The following PDE7B variants were observed in gnomAD, a reference collection of about 807,000 sequenced individuals.
PDE7B encodes the protein 3',5'-cyclic-AMP phosphodiesterase 7B.
A neutral mutation model predicts 56.2 loss-of-function variants in PDE7B; 29 were observed. The observed-to-expected ratio is 0.52, with a 90% CI of 0.38 to 0.70. The LOEUF is 0.70. Among genes scored for constraint, PDE7B ranks in the 30% least tolerant of loss-of-function variants. The pLI is 0.00. For synonymous variants in PDE7B, 197 were observed against 196.9 expected (o/e 1.00, Z 0.00); for missense variants, 490 against 565.0 (o/e 0.87, Z 1.35).
At chr6:135,895,423 G>C (rs1354559649) in intron 1 of PDE7B, among the ~76,000 whole-genome samples, 1 of 152,066 alleles carries the variant, frequency 6.6e-6, no homozygotes, top group African/African-American at 2.4e-5. Context: ...TCTGCTTGTA[G>C]ACTGGAAAGA....
intron 1 of PDE7B, among the ~76,000 whole-genome samples, chr6:135,935,202 A>ATATTTTTATATATATATATATTTT (rs1466265656): frequency 1.2e-4 from 7 of 57,044 alleles, no homozygotes; most frequent in Non-Finnish European, 2.4e-4. Context: ...ATATATATAT[A>ATATTTTTATATATATATATATTTT]TATATATATA....
At chr6:136,018,101 G>A (rs1776009114) in intron 2 of PDE7B, among the ~76,000 whole-genome samples, 2 of 152,134 alleles carry the variant, frequency 1.3e-5, no homozygotes, top group Non-Finnish European at 2.9e-5. Flanking sequence ...CTGTCTTTTG[G>A]ATTTTATCTA....
intron 2 of PDE7B, among the ~76,000 whole-genome samples, chr6:135,976,996 G>A (rs1179400089): frequency 6.6e-6 from 1 of 152,094 alleles, no homozygotes; most frequent in Non-Finnish European, 1.5e-5. Flanking sequence ...TCCATCCTCT[G>A]AATTCTGTGT....
At chr6:136,145,438 G>A (rs1778398304) in intron 3 of PDE7B, among the ~76,000 whole-genome samples, 1 of 151,980 alleles carries the variant, frequency 6.6e-6, no homozygotes, top group African/African-American at 2.4e-5. Flanking sequence ...CCTAGAATTG[G>A]CCATTTCACC....
chr6:136,119,168 C>T (rs1022639172), intron 3 of PDE7B, among the ~76,000 whole-genome samples: 2 of 152,080 alleles, frequency 1.3e-5, no homozygotes, highest in African/African-American at 4.8e-5. Flanking sequence ...TCGTGCAAAC[C>T]ATGAATCGCT....
chr6:136,159,475 A>G (rs1583915446), intron 8 of PDE7B, among the ~76,000 whole-genome samples: 1 of 152,314 alleles, frequency 6.6e-6, no homozygotes, highest in South Asian at 2.1e-4. Flanking sequence ...AGAACAAACA[A>G]GAGAAAGACA....
intron 3 of PDE7B, among the ~76,000 whole-genome samples, chr6:136,126,844 G>C (rs1402506032): frequency 1.3e-5 from 2 of 152,116 alleles, no homozygotes; most frequent in Non-Finnish European, 2.9e-5. Context: ...TACAAATTGA[G>C]TTCAATGTAT....
At chr6:136,140,803 G>T in intron 3 of PDE7B, among the ~76,000 whole-genome samples, 1 of 152,118 alleles carries the variant, frequency 6.6e-6, no homozygotes, top group East Asian at 1.9e-4. Flanking sequence ...TGTGATTTTT[G>T]CTCATTGATT....
At chr6:136,161,381 A>T (rs1450647167) in intron 8 of PDE7B, among the ~76,000 whole-genome samples, 1 of 152,188 alleles carries the variant, frequency 6.6e-6, no homozygotes, top group Non-Finnish European at 1.5e-5. Context: ...CTCAATACCG[A>T]GAACAGTTCT....
intron 3 of PDE7B, among the ~76,000 whole-genome samples, chr6:136,124,431 T>C (rs1229661223): frequency 1.3e-5 from 2 of 152,184 alleles, no homozygotes; most frequent in Non-Finnish European, 2.9e-5. Context: ...AATAGTATAT[T>C]GTTAGAAAAG....
At chr6:135,894,735 A>T (rs1775867907) in intron 1 of PDE7B, among the ~76,000 whole-genome samples, 1 of 152,168 alleles carries the variant, frequency 6.6e-6, no homozygotes, top group Non-Finnish European at 1.5e-5. Context: ...TGTACAGTAC[A>T]TCTTGAACAT....
intron 2 of PDE7B, among the ~76,000 whole-genome samples, chr6:136,058,291 T>A (rs1199171944): frequency 6.6e-6 from 1 of 152,148 alleles, no homozygotes. Flanking sequence ...GATATCCTCA[T>A]GAGATTTCAG....
At chr6:135,871,595 G>A (rs1004444238) in intron 1 of PDE7B, among the ~76,000 whole-genome samples, 1 of 152,160 alleles carries the variant, frequency 6.6e-6, no homozygotes, top group Non-Finnish European at 1.5e-5. Context: ...AAACATAAAT[G>A]TTGAATTGAG....
chr6:136,153,501 A>T (rs1157440146), intron 6 of PDE7B, among the ~76,000 whole-genome samples: 2 of 152,242 alleles, frequency 1.3e-5, no homozygotes, highest in Non-Finnish European at 2.9e-5. Context: ...GGAGCATGAA[A>T]GATGATACTC....
chr6:136,052,617 G>GCCCCCCCCC (rs11400308), intron 2 of PDE7B, among the ~76,000 whole-genome samples: 11 of 142,780 alleles, frequency 7.7e-5, no homozygotes, highest in South Asian at 2.3e-4. Flanking sequence ...TTAGGGTACA[G>GCCCCCCCCC]CCCCCCCCCA....
chr6:136,117,382 T>G (rs1193545077), intron 3 of PDE7B, among the ~76,000 whole-genome samples: 1 of 152,168 alleles, frequency 6.6e-6, no homozygotes, highest in Non-Finnish European at 1.5e-5. Flanking sequence ...CTTCAACGTT[T>G]CAGAATATCT....
chr6:135,949,036 A>T (rs561625006), intron 2 of PDE7B, among the ~76,000 whole-genome samples: 4 of 152,120 alleles, frequency 2.6e-5, no homozygotes, highest in African/African-American at 9.6e-5. Flanking sequence ...CTATTCAACA[A>T]TTAACTCATT....
chr6:136,128,855 C>T (rs567255742), intron 3 of PDE7B, among the ~76,000 whole-genome samples: 1 of 152,116 alleles, frequency 6.6e-6, no homozygotes, highest in South Asian at 2.1e-4. Context: ...CACCTTCTTT[C>T]TCCTCTCTCT....
intron 3 of PDE7B, among the ~76,000 whole-genome samples, chr6:136,128,685 G>A (rs1233566456): frequency 1.3e-5 from 2 of 152,100 alleles, no homozygotes; most frequent in Admixed American, 6.5e-5. Flanking sequence ...TGCCCTCAAG[G>A]AACTAACAGT....
Sources: allele counts gnomAD v4.1 joint callset (sites outside exome capture counted in the v4.1 genomes callset), GRCh38; gene constraint gnomAD v4.1.1; transcripts MANE v1.5; gene names NCBI Gene and HGNC (gene_info 2026-07-23, HGNC 2026-07-21).